MSRA: variants seen among roughly 807,000 people sequenced by gnomAD.
MSRA encodes the protein mitochondrial peptide methionine sulfoxide reductase.
A neutral mutation model predicts 31.3 loss-of-function variants in MSRA; 54 were observed. That is an observed-to-expected ratio of 1.73 (90% confidence interval 1.39 to 2.17). MSRA has a LOEUF of 2.17. Ranked by LOEUF, MSRA falls within the 30% of genes most tolerant of loss-of-function variation. The pLI, the probability that MSRA is intolerant of heterozygous loss-of-function variation, is 0.00. For synonymous variants in MSRA, 169 were observed against 116.5 expected, an observed-to-expected ratio of 1.45 and a Z score of -2.90; for missense variants, 507 against 300.9, an observed-to-expected ratio of 1.69 and a Z score of -5.07.
At chr8:10,073,354 A>C (rs939647198) in intron 1 of MSRA, among the ~76,000 whole-genome samples, 2 of 152,150 alleles carry the variant, frequency 1.3e-5, no homozygotes, top group African/African-American at 4.8e-5. Flanking sequence ...TGTTTAAATA[A>C]AGTTTTATTG....
rs1422336127 is a variant in MSRA, at chr8:10,249,901, C to T, written c.331+4678C>T. Among the ~76,000 whole-genome samples, 2 of 152,198 alleles carry T rather than the reference C, an allele frequency of 1.3e-5. 1 individual carries two copies. The highest frequency in any genetic ancestry group is 4.1e-4 in the South Asian group (2 of 4,828). On this transcript the variant is annotated intron_variant, in intron 3 of 5. Coordinates refer to ENST00000317173, the MANE Select transcript of MSRA (RefSeq NM_012331.5). ...ACTGGAATAGCCATGAGGAGCCTAACTTGTATATAGGCCTTACTTGAATAA... is the reference window on the plus strand; with the variant it reads ...ACTGGAATAGCCATGAGGAGCCTAATTTGTATATAGGCCTTACTTGAATAA...
intron 2 of MSRA, among the ~76,000 whole-genome samples, chr8:10,214,138 G>A (rs1365996350): frequency 6.6e-6 from 1 of 152,130 alleles, no homozygotes; most frequent in Non-Finnish European, 1.5e-5. Flanking sequence ...CCAAGCCGAG[G>A]ACTTAGGAAA....
chr8:10,339,730 A>G (rs890499095), intron 5 of MSRA, among the ~76,000 whole-genome samples: 1 of 150,166 alleles, frequency 6.7e-6, no homozygotes, highest in Non-Finnish European at 1.5e-5. Flanking sequence ...TTTAGTAGAG[A>G]TGGGGTTTCA....
At chr8:10,333,295 G>C (rs779992911) in intron 5 of MSRA, among the ~76,000 whole-genome samples, 1 of 152,178 alleles carries the variant, frequency 6.6e-6, no homozygotes, top group Non-Finnish European at 1.5e-5. Flanking sequence ...GGTGTATCCA[G>C]ATGAATCTTT....
At chr8:10,405,351 C>G (rs543302065) in intron 5 of MSRA, among the ~76,000 whole-genome samples, 4 of 152,114 alleles carry the variant, frequency 2.6e-5, no homozygotes, top group African/African-American at 7.2e-5. Flanking sequence ...CAGCTCATTC[C>G]AAACCACCAC....
intron 2 of MSRA, among the ~76,000 whole-genome samples, chr8:10,217,229 C>T (rs897022580): frequency 6.6e-6 from 1 of 152,162 alleles, no homozygotes; most frequent in Admixed American, 6.5e-5. Context: ...TAGGAGGACA[C>T]TATATGTACT....
chr8:10,242,560 G>GT (rs1375527213), intron 2 of MSRA, among the ~76,000 whole-genome samples: 2 of 151,834 alleles, frequency 1.3e-5, no homozygotes, highest in African/African-American at 2.4e-5. Flanking sequence ...GTTTTGTGTG[G>GT]TTTTTTTGCA....
chr8:10,284,251 C>T (rs538292571), intron 3 of MSRA, among the ~76,000 whole-genome samples: 5 of 152,260 alleles, frequency 3.3e-5, no homozygotes, highest in African/African-American at 9.6e-5. Flanking sequence ...TGCAATGGCA[C>T]AATCTCGGCT....
chr8:10,381,794 G>C (rs76813926), intron 5 of MSRA, among the ~76,000 whole-genome samples: 5,641 of 152,210 alleles, frequency 0.037, 163 homozygotes, highest in Non-Finnish European at 0.056. Context: ...TGCTTCCGTG[G>C]AGATCAAGGA....
intron 1 of MSRA, among the ~76,000 whole-genome samples, chr8:10,067,253 C>T (rs975320926): frequency 4.6e-5 from 7 of 152,200 alleles, no homozygotes; most frequent in East Asian, 3.9e-4. Context: ...TCCAGAATGT[C>T]ATATATTTGG....
At chr8:10,272,026 A>T (rs1010613352) in intron 3 of MSRA, among the ~76,000 whole-genome samples, 2 of 152,026 alleles carry the variant, frequency 1.3e-5, no homozygotes, top group African/African-American at 4.8e-5. Flanking sequence ...TTTTTTAAAA[A>T]TCCTCCAATT....
chr8:10,424,875 C>A (rs1809039379), intron 5 of MSRA, among the ~76,000 whole-genome samples: 1 of 152,194 alleles, frequency 6.6e-6, no homozygotes, highest in African/African-American at 2.4e-5. Context: ...TTAATGCTGT[C>A]ACTTGTGCCG....
At chr8:10,422,597 A>C (rs911777628) in intron 5 of MSRA, among the ~76,000 whole-genome samples, 7 of 152,174 alleles carry the variant, frequency 4.6e-5, no homozygotes, top group African/African-American at 7.2e-5. Context: ...CACACACACA[A>C]AAAAATGCCA....
intron 3 of MSRA, among the ~76,000 whole-genome samples, chr8:10,300,728 T>C (rs1800798734): frequency 6.6e-6 from 1 of 152,122 alleles, no homozygotes; most frequent in Non-Finnish European, 1.5e-5. Flanking sequence ...AACAGATAGA[T>C]AAAAAATTTA....
chr8:10,398,091 A>T (rs1807213918), intron 5 of MSRA, among the ~76,000 whole-genome samples: 1 of 152,218 alleles, frequency 6.6e-6, no homozygotes, highest in African/African-American at 2.4e-5. Flanking sequence ...AGTCTATTAA[A>T]ATTTGGGACC....
chr8:10,103,225 G>A (rs1055842326), intron 1 of MSRA, among the ~76,000 whole-genome samples: 1 of 152,150 alleles, frequency 6.6e-6, no homozygotes, highest in Non-Finnish European at 1.5e-5. Context: ...GAAGAGGTCA[G>A]TATATTAAAA....
intron 4 of MSRA, among the ~76,000 whole-genome samples, chr8:10,317,051 GA>G (rs1801766436): frequency 6.6e-6 from 1 of 152,188 alleles, no homozygotes; most frequent in South Asian, 2.1e-4. Flanking sequence ...GCAGTCTATA[GA>G]AGAGAAGAAT....
At chr8:10,146,728 G>T (rs376825368) in intron 1 of MSRA, among the ~76,000 whole-genome samples, 2 of 152,174 alleles carry the variant, frequency 1.3e-5, no homozygotes, top group Admixed American at 6.5e-5. Context: ...AAATACTGCT[G>T]CATACTGATG....
chr8:10,166,078 C>T (rs921503128), intron 1 of MSRA, among the ~76,000 whole-genome samples: 16 of 152,190 alleles, frequency 1.1e-4, no homozygotes, highest in African/African-American at 3.6e-4. Context: ...GAATGAAACC[C>T]GGGGCTGGTA....
Sources: gnomAD v4.1 joint callset for allele counts (sites outside exome capture counted in the v4.1 genomes callset) on GRCh38, gnomAD v4.1.1 for gene constraint, MANE v1.5 for transcripts, NCBI Gene and HGNC (gene_info 2026-07-23, HGNC 2026-07-21) for gene names.